UNC5C: variants seen among roughly 807,000 people sequenced by gnomAD.
UNC5C encodes unc-5 netrin receptor C.
In UNC5C, 47 loss-of-function variants were observed where a neutral mutation model predicts 99.8. The observed-to-expected ratio is 0.47, with a 90% CI of 0.37 to 0.60. UNC5C has a LOEUF of 0.60. Among genes scored for constraint, UNC5C ranks in the 20% least tolerant of loss-of-function variants. The pLI is 0.00. For synonymous variants in UNC5C, 487 were observed against 452.2 expected, an observed-to-expected ratio of 1.08 and a Z score of -0.98; for missense variants, 1,062 against 1,165.9, an observed-to-expected ratio of 0.91 and a Z score of 1.30.
chr4:95,277,750 C>G (rs1057167637), intron 4 of UNC5C, among the ~76,000 whole-genome samples: 2 of 152,102 alleles, frequency 1.3e-5, no homozygotes, highest in Non-Finnish European at 2.9e-5. Flanking sequence ...TAGGATGAAA[C>G]TAATTGACAC....
intron 1 of UNC5C, among the ~76,000 whole-genome samples, chr4:95,380,443 A>ATTT (rs10560399): frequency 3.0e-5 from 4 of 132,920 alleles, no homozygotes; most frequent in African/African-American, 8.4e-5. Context: ...CTTAAGAAAC[A>ATTT]TTTTTTTTTT....
At chr4:95,390,015 T>C (rs1210609602) in intron 1 of UNC5C, among the ~76,000 whole-genome samples, 1 of 152,166 alleles carries the variant, frequency 6.6e-6, no homozygotes, top group African/African-American at 2.4e-5. Context: ...ATTAATTGTC[T>C]TGAAAATAGT....
At chr4:95,536,171 G>A (rs1286378630) in intron 1 of UNC5C, among the ~76,000 whole-genome samples, 1 of 151,032 alleles carries the variant, frequency 6.6e-6, no homozygotes, top group Non-Finnish European at 1.5e-5. Flanking sequence ...TCTGCCTCCT[G>A]TTCAAGTGAT....
At chr4:95,421,487 AT>A (rs146968393) in intron 1 of UNC5C, among the ~76,000 whole-genome samples, 37,211 of 148,498 alleles carry the variant, frequency 0.25, 5,301 homozygotes, top group Admixed American at 0.33. Flanking sequence ...ACTATGGTAG[AT>A]TTTTTTTTTT....
chr4:95,424,513 C>CTTTTGTTTTTTTTTTTT (rs1746409640), intron 1 of UNC5C, among the ~76,000 whole-genome samples: 1 of 85,054 alleles, frequency 1.2e-5, no homozygotes, highest in East Asian at 5.4e-4. Context: ...TTTTTTTTTT[C>CTTTTGTTTTTTTTTTTT]TTTTCTTTTT....
At chr4:95,293,956 A>G (rs947274875) in intron 3 of UNC5C, among the ~76,000 whole-genome samples, 1 of 152,196 alleles carries the variant, frequency 6.6e-6, no homozygotes, top group African/African-American at 2.4e-5. Flanking sequence ...GTCCAATGCA[A>G]ACCACATGAG....
At chr4:95,413,852 G>T (rs1470812991) in intron 1 of UNC5C, among the ~76,000 whole-genome samples, 2 of 152,174 alleles carry the variant, frequency 1.3e-5, no homozygotes, top group Non-Finnish European at 2.9e-5. Context: ...CAAATGTACA[G>T]GTGTCAAATT....
At chr4:95,214,586 CT>C (rs1738183485) in intron 10 of UNC5C, among the ~76,000 whole-genome samples, 1 of 152,244 alleles carries the variant, frequency 6.6e-6, no homozygotes, top group African/African-American at 2.4e-5. Flanking sequence ...CCTCTTTCAG[CT>C]TCAGCCCGTG....
intron 1 of UNC5C, among the ~76,000 whole-genome samples, chr4:95,546,186 A>G (rs1192937319): frequency 1.3e-5 from 2 of 152,232 alleles, no homozygotes; most frequent in Non-Finnish European, 2.9e-5. Context: ...TTCATAAGAA[A>G]TAGTTCATTT....
rs182947496 is a variant in UNC5C at position 95,481,321 on chromosome 4, C to T, written c.124+67413G>A. Among the ~76,000 whole-genome samples, 659 of 152,094 alleles carry T rather than the reference C, an allele frequency of 4.3e-3. 2 individuals carry two copies. Among genetic ancestry groups the T allele is most frequent in the Admixed American group, 9.1e-3 (139 of 15,262 alleles). On this transcript the variant is annotated intron_variant, in intron 1 of 15. Coordinates refer to ENST00000453304, the MANE Select transcript of UNC5C (RefSeq NM_003728.4). ...TTAAAAGGGATGTGAAGGACCTCTT[C>T]AAGGAGAACTACAAACCACTGCTCA... is the stretch of plus-strand genomic sequence containing the variant.
chr4:95,209,556 A>T (rs1738004900), intron 10 of UNC5C, among the ~76,000 whole-genome samples: 1 of 152,224 alleles, frequency 6.6e-6, no homozygotes, highest in Non-Finnish European at 1.5e-5. Context: ...TCTTTAAATA[A>T]CAATACCCTT....
At chr4:95,196,730 A>G (rs1737411426) in intron 12 of UNC5C, among the ~76,000 whole-genome samples, 1 of 95,020 alleles carries the variant, frequency 1.1e-5, no homozygotes, top group Non-Finnish European at 2.0e-5. Context: ...ATGTACAAAT[A>G]TATATTATAT....
intron 14 of UNC5C, among the ~76,000 whole-genome samples, chr4:95,182,325 G>A (rs536851948): frequency 2.2e-4 from 34 of 152,242 alleles, no homozygotes; most frequent in Admixed American, 1.2e-3. Context: ...CCCCCATCCC[G>A]GAGGAAAGTG....
At chr4:95,191,599 C>G (rs563745778) in intron 12 of UNC5C, among the ~76,000 whole-genome samples, 2 of 151,568 alleles carry the variant, frequency 1.3e-5, no homozygotes, top group African/African-American at 4.8e-5. Flanking sequence ...CTCCCCTGCT[C>G]TCCCTCCTTC....
chr4:95,297,725 C>A (rs1741710981), intron 3 of UNC5C, among the ~76,000 whole-genome samples: 1 of 152,168 alleles, frequency 6.6e-6, no homozygotes, highest in Non-Finnish European at 1.5e-5. Flanking sequence ...TCAAATCATC[C>A]TTTCTCTTCT....
At chr4:95,516,410 A>T (rs918712473) in intron 1 of UNC5C, among the ~76,000 whole-genome samples, 2 of 152,184 alleles carry the variant, frequency 1.3e-5, no homozygotes, top group South Asian at 2.1e-4. Context: ...AAATATGCTG[A>T]GCACTGAGTG....
intron 11 of UNC5C, among the ~76,000 whole-genome samples, 182 bp downstream of exon 11, chr4:95,206,446 G>A (rs1477293276): frequency 1.3e-5 from 2 of 152,032 alleles, no homozygotes; most frequent in Non-Finnish European, 2.9e-5. Flanking sequence ...TTTTCTGTGT[G>A]CCTGTCAATC....
chr4:95,334,030 C>T (rs1333017723), intron 2 of UNC5C, among the ~76,000 whole-genome samples: 1 of 151,988 alleles, frequency 6.6e-6, no homozygotes, highest in Non-Finnish European at 1.5e-5. Flanking sequence ...CTGCAGTCAT[C>T]AGCTTGCATT....
chr4:95,425,110 T>C (rs1746439737), intron 1 of UNC5C, among the ~76,000 whole-genome samples: 2 of 152,166 alleles, frequency 1.3e-5, no homozygotes, highest in African/African-American at 4.8e-5. Flanking sequence ...TTTCAAATTG[T>C]AAATTGCCTT....
Sources: allele counts gnomAD v4.1 joint callset (sites outside exome capture counted in the v4.1 genomes callset), GRCh38; gene constraint gnomAD v4.1.1; transcripts MANE v1.5; gene names NCBI Gene and HGNC (gene_info 2026-07-23, HGNC 2026-07-21).